Variants in LHFPL3 observed in about 807,000 individuals in gnomAD.
The protein encoded by LHFPL3 is LHFPL tetraspan subfamily member 3 protein.
In LHFPL3, 5 loss-of-function variants were observed where a neutral mutation model predicts 19.3. The observed-to-expected ratio is 0.26, with a 90% CI of 0.14 to 0.54. LHFPL3 has a LOEUF of 0.54. LHFPL3 is among the 20% of genes least tolerant of loss of function. The pLI is 0.94. For missense variants in LHFPL3, 249 were observed against 307.4 expected (o/e 0.81, Z 1.42); for synonymous variants, 133 against 126.2 (o/e 1.05, Z -0.36).
At chr7:104,595,784 C>A (rs1452594465) in intron 1 of LHFPL3, among the ~76,000 whole-genome samples, 2 of 152,264 alleles carry the variant, frequency 1.3e-5, no homozygotes, top group African/African-American at 4.8e-5. Flanking sequence ...GCCCCTCCCC[C>A]AGCCAGGCTG....
At chr7:104,447,160 A>G (rs1015167596) in intron 1 of LHFPL3, among the ~76,000 whole-genome samples, 1 of 152,174 alleles carries the variant, frequency 6.6e-6, no homozygotes, top group African/African-American at 2.4e-5. Context: ...CTAGCTTATT[A>G]TATAATTGGA....
At chr7:104,827,155 A>G (rs956965780) in intron 2 of LHFPL3, among the ~76,000 whole-genome samples, 8 of 151,994 alleles carry the variant, frequency 5.3e-5, no homozygotes, top group African/African-American at 9.7e-5. Flanking sequence ...ACCACTATCA[A>G]TGTGAGCACT....
intron 1 of LHFPL3, among the ~76,000 whole-genome samples, chr7:104,476,159 C>T (rs530313111): frequency 1.3e-5 from 2 of 152,170 alleles, no homozygotes; most frequent in Admixed American, 1.3e-4. Context: ...ACTCAAGCCT[C>T]TTTGTCAATG....
At chr7:104,503,062 C>T (rs771191632) in intron 1 of LHFPL3, among the ~76,000 whole-genome samples, 8 of 151,510 alleles carry the variant, frequency 5.3e-5, no homozygotes, top group African/African-American at 7.3e-5. Flanking sequence ...TAACAACATA[C>T]GCTTGCAAAT....
At chr7:104,701,474 A>G (rs1400205269) in intron 1 of LHFPL3, among the ~76,000 whole-genome samples, 1 of 152,220 alleles carries the variant, frequency 6.6e-6, no homozygotes. Context: ...GAAAGAAAAT[A>G]TTATTTAAAA....
chr7:104,459,190 A>G lies in LHFPL3; in HGVS notation c.445+129966A>G, dbSNP rs569543288. Among the ~76,000 whole-genome samples, 12 of 152,296 alleles carry G rather than the reference A, an allele frequency of 7.9e-5. No individual in the cohort carries two copies. The South Asian group carries it at 2.3e-3, about 29-fold the overall frequency. ...GTAACTTCTACCACCTGTGTAACCA[A>G]TTTCTCTTTTAAATGTCTTATTTTT... On this transcript the variant is annotated intron_variant, in intron 1 of 2. Transcript: ENST00000424859.
intron 1 of LHFPL3, among the ~76,000 whole-genome samples, chr7:104,604,815 A>G (rs1300088482): frequency 6.6e-6 from 1 of 152,176 alleles, no homozygotes; most frequent in Admixed American, 6.5e-5. Flanking sequence ...TTTCTACTCA[A>G]TTATTCAGCT....
chr7:104,882,055 C>T (rs1401476318), intron 2 of LHFPL3, among the ~76,000 whole-genome samples: 1 of 152,180 alleles, frequency 6.6e-6, no homozygotes, highest in Admixed American at 6.5e-5. Context: ...GTGATATTCA[C>T]TTTATTGCAG....
intron 1 of LHFPL3, among the ~76,000 whole-genome samples, chr7:104,516,929 A>C (rs765188034): frequency 6.6e-6 from 1 of 152,230 alleles, no homozygotes; most frequent in Non-Finnish European, 1.5e-5. Flanking sequence ...TATAAGTAAA[A>C]TATGATACAT....
Position 104,633,861 on chromosome 7 carries a change from C to T in LHFPL3, c.446-102814C>T, listed in dbSNP as rs572784543. On this transcript the variant is annotated intron_variant, in intron 1 of 2. Coordinates refer to ENST00000424859, the MANE Select transcript of LHFPL3 (RefSeq NM_199000.3). Reference sequence around the variant, plus strand: ...TTATAATATTTCAATATGAGGTATTCATTTTCCCCCTACCCATCCTCCACC... The same window carrying T: ...TTATAATATTTCAATATGAGGTATTTATTTTCCCCCTACCCATCCTCCACC... Among the ~76,000 whole-genome samples, 66 of 152,284 alleles carry T rather than the reference C, an allele frequency of 4.3e-4. No homozygotes were observed. In the East Asian group the frequency reaches 0.012, roughly 28 times the overall value.
At chr7:104,497,270 C>G (rs934228896) in intron 1 of LHFPL3, among the ~76,000 whole-genome samples, 1 of 130,064 alleles carries the variant, frequency 7.7e-6, no homozygotes, top group Non-Finnish European at 1.6e-5. Flanking sequence ...AAAGAAGATT[C>G]ATATGTACTC....
chr7:104,849,013 C>T (rs1791366175), intron 2 of LHFPL3, among the ~76,000 whole-genome samples: 1 of 151,884 alleles, frequency 6.6e-6, no homozygotes, highest in African/African-American at 2.4e-5. Context: ...CTGCAACTTC[C>T]ACCTCTGGAG....
chr7:104,467,263 C>T (rs1443657600), intron 1 of LHFPL3, among the ~76,000 whole-genome samples: 1 of 152,100 alleles, frequency 6.6e-6, no homozygotes, highest in Non-Finnish European at 1.5e-5. Flanking sequence ...AACAGTCAAA[C>T]AAGAGAAGAC....
At chr7:104,886,110 G>T (rs147169111) in intron 2 of LHFPL3, among the ~76,000 whole-genome samples, 2 of 152,126 alleles carry the variant, frequency 1.3e-5, no homozygotes, top group Non-Finnish European at 2.9e-5. Flanking sequence ...ATTTATTTGC[G>T]TATTGTCTAT....
intron 2 of LHFPL3, among the ~76,000 whole-genome samples, chr7:104,891,740 G>C (rs1213147750): frequency 1.3e-5 from 2 of 152,350 alleles, no homozygotes; most frequent in Non-Finnish European, 1.5e-5. Context: ...GTGAGCAAGA[G>C]ATGGACAAAG....
chr7:104,387,744 A>C (rs1790977738), intron 1 of LHFPL3, among the ~76,000 whole-genome samples: 1 of 152,220 alleles, frequency 6.6e-6, no homozygotes, highest in South Asian at 2.1e-4. Flanking sequence ...ATAAACTCAG[A>C]AGTCCACAAC....
At chr7:104,545,199 TA>T (rs1316621010) in intron 1 of LHFPL3, among the ~76,000 whole-genome samples, 1 of 152,186 alleles carries the variant, frequency 6.6e-6, no homozygotes, top group African/African-American at 2.4e-5. Context: ...ATCACTACCT[TA>T]GTATCCTCAT....
intron 1 of LHFPL3, among the ~76,000 whole-genome samples, chr7:104,440,637 G>A (rs1392516749): frequency 1.3e-5 from 2 of 152,070 alleles, no homozygotes; most frequent in East Asian, 3.8e-4. Context: ...ATGAGCCATA[G>A]TATTAGGTTA....
intron 1 of LHFPL3, among the ~76,000 whole-genome samples, chr7:104,686,656 GC>G (rs1792811993): frequency 6.6e-6 from 1 of 152,132 alleles, no homozygotes; most frequent in African/African-American, 2.4e-5. Flanking sequence ...TCACAAGACT[GC>G]CCCCCATTTC....
Sources: allele counts gnomAD v4.1 joint callset (sites outside exome capture counted in the v4.1 genomes callset), GRCh38; gene constraint gnomAD v4.1.1; transcripts MANE v1.5; gene names NCBI Gene and HGNC (gene_info 2026-07-23, HGNC 2026-07-21).